The following RBFOX2 variants were observed in gnomAD, a reference collection of about 807,000 sequenced individuals.
RBFOX2 encodes RNA binding fox-1 homolog 2, also known as RNA binding protein fox-1 homolog 2.
RBFOX2 carries 10 observed loss-of-function variants against 49.1 expected under a neutral mutation model. The observed-to-expected ratio is 0.20, with a 90% CI of 0.13 to 0.35. The LOEUF (loss-of-function observed/expected upper bound fraction) is 0.35, where lower values mean the gene tolerates loss of function less well. Ranked by LOEUF, RBFOX2 falls within the 10% of genes least tolerant of loss-of-function variation. RBFOX2 has a pLI of 1.00. For synonymous variants in RBFOX2, 183 were observed against 187.4 expected (o/e 0.98, Z 0.19); for missense variants, 323 against 486.9 (o/e 0.66, Z 3.17).
chr22:36,021,383 A>G (rs1390535557), intron 1 of RBFOX2, among the ~76,000 whole-genome samples: 1 of 152,074 alleles, frequency 6.6e-6, no homozygotes, highest in Non-Finnish European at 1.5e-5. Context: ...GTACCCTAGA[A>G]CTTGAAGTAT....
At chr22:35,834,809 T>A (rs2148732213) in intron 1 of RBFOX2, among the ~76,000 whole-genome samples, 1 of 152,254 alleles carries the variant, frequency 6.6e-6, no homozygotes, top group South Asian at 2.1e-4. Flanking sequence ...AGGTTCCTGA[T>A]CATGCAGGGT....
intron 1 of RBFOX2, among the ~76,000 whole-genome samples, chr22:35,885,843 A>AC (rs2046490178): frequency 1.2e-5 from 1 of 83,146 alleles, no homozygotes; most frequent in African/African-American, 5.3e-5. Flanking sequence ...CCCAAACCTA[A>AC]TTTTTTTTTT....
chr22:36,009,571 T>A (rs970007299), intron 1 of RBFOX2, among the ~76,000 whole-genome samples: 1 of 152,080 alleles, frequency 6.6e-6, no homozygotes, highest in Non-Finnish European at 1.5e-5. Context: ...TGTTTTTTTG[T>A]AAAGGCGGGG....
intron 1 of RBFOX2, among the ~76,000 whole-genome samples, chr22:35,971,059 G>A (rs978659356): frequency 1.3e-5 from 2 of 152,156 alleles, no homozygotes; most frequent in African/African-American, 2.4e-5. Context: ...CATAGTGCCT[G>A]CAGCTGAGTG....
At chr22:35,963,818 T>A (rs945558968), upstream of RBFOX2, among the ~76,000 whole-genome samples, 10 of 152,186 alleles carry the variant, frequency 6.6e-5, no homozygotes, top group Non-Finnish European at 1.5e-4. Context: ...CCATCTCAGC[T>A]CACTGCAACC....
exon 8 of RBFOX2, chr22:35,761,288 C>G (rs1938738120): frequency 3.1e-6 from 5 of 1,613,984 alleles, no homozygotes; most frequent in Admixed American, 1.7e-5. Flanking sequence ...TGCTTGAAAG[C>G]TGGATGCTGA....
chr22:36,028,715 C>T (rs1413799258), exon 1 of RBFOX2, among the ~76,000 whole-genome samples: 1 of 151,326 alleles, frequency 6.6e-6, no homozygotes, highest in African/African-American at 2.4e-5. Flanking sequence ...GAAACCCGGC[C>T]CGGCCCGCCG....
chr22:35,770,427 C>A (rs1171953024), intron 4 of RBFOX2, among the ~76,000 whole-genome samples: 1 of 152,120 alleles, frequency 6.6e-6, no homozygotes, highest in Non-Finnish European at 1.5e-5. Flanking sequence ...TACACACCCA[C>A]ATACAAATAT....
intron 1 of RBFOX2, among the ~76,000 whole-genome samples, chr22:35,817,390 T>A (rs1193225018): frequency 6.6e-6 from 1 of 151,886 alleles, no homozygotes; most frequent in Non-Finnish European, 1.5e-5. Context: ...AGCACGAGAA[T>A]CACTTGAACA....
chr22:35,838,264 C>CT (rs527350781), intron 1 of RBFOX2, among the ~76,000 whole-genome samples: 14,248 of 142,560 alleles, frequency 0.1, 729 homozygotes, highest in African/African-American at 0.15. Flanking sequence ...TATTTCTTTT[C>CT]TTTTTTTTTT....
intron 2 of RBFOX2, among the ~76,000 whole-genome samples, chr22:35,795,300 C>T (rs183482227): frequency 7.9e-5 from 12 of 152,174 alleles, no homozygotes; most frequent in Admixed American, 7.8e-4. Flanking sequence ...TGAATAAATT[C>T]CTCCGTAGTC....
intron 9 of RBFOX2, among the ~76,000 whole-genome samples, 191 bp from the exon 11 acceptor site, chr22:35,756,335 G>C (rs1486474632): frequency 1.3e-5 from 2 of 152,144 alleles, no homozygotes; most frequent in Non-Finnish European, 2.9e-5. Flanking sequence ...CACAGCTCCA[G>C]GACATGCGAG....
exon 1 of RBFOX2, among the ~76,000 whole-genome samples, chr22:36,028,639 G>A (rs2059544409): frequency 6.7e-6 from 1 of 150,092 alleles, no homozygotes; most frequent in Non-Finnish European, 1.5e-5. Flanking sequence ...CCGCCCGCCG[G>A]GTTGTCGGCG....
At chr22:35,921,102 G>T (rs987843459) in intron 1 of RBFOX2, among the ~76,000 whole-genome samples, 111 of 152,126 alleles carry the variant, frequency 7.3e-4, no homozygotes, top group African/African-American at 2.5e-3. Context: ...CTATAGTATG[G>T]CTCAGGAGTC....
chr22:35,882,634 A>C (rs1274063257), intron 1 of RBFOX2, among the ~76,000 whole-genome samples: 1 of 152,216 alleles, frequency 6.6e-6, no homozygotes, highest in Non-Finnish European at 1.5e-5. Flanking sequence ...TCCATGTCCT[A>C]AACAGACTAG....
chr22:35,898,604 T>C (rs1013710366), intron 1 of RBFOX2, among the ~76,000 whole-genome samples: 2 of 151,560 alleles, frequency 1.3e-5, no homozygotes, highest in Non-Finnish European at 2.9e-5. Context: ...TTTTTTGTAT[T>C]TTTGGTAGAA....
chr22:35,974,207 A>G (rs1025185844), intron 1 of RBFOX2, among the ~76,000 whole-genome samples: 1 of 152,250 alleles, frequency 6.6e-6, no homozygotes, highest in Non-Finnish European at 1.5e-5. Flanking sequence ...TGGCCCTGCC[A>G]AAGAATTGCC....
rs775943388 is a variant in RBFOX2 at position 35,809,933 on chromosome 22, AGGT to A, written c.96_98del (p.Pro34del). On this transcript the variant is annotated inframe_deletion, in exon 2 of 12. Coordinates refer to ENST00000405409, the Ensembl canonical transcript of RBFOX2. ...ACTCTGTGGGAATTCCATTCTGCGG[AGGT>A]GGTGGAAATGGGATGGTAGTAAAAG... The A allele has an allele frequency of 2.5e-6, 4 of 1,613,886 alleles. No individual in the cohort carries two copies. The African/African-American group carries it at 5.3e-5, about 22-fold the overall frequency.
chr22:35,967,007 T>A (rs2056601727), intron 1 of RBFOX2, among the ~76,000 whole-genome samples: 2 of 151,336 alleles, frequency 1.3e-5, no homozygotes, highest in African/African-American at 4.9e-5. Flanking sequence ...ATTGTAGAGA[T>A]GAGGTCTTAC....
Sources: allele counts gnomAD v4.1 joint callset (sites outside exome capture counted in the v4.1 genomes callset), GRCh38; gene constraint gnomAD v4.1.1; transcripts MANE v1.5; gene names NCBI Gene and HGNC (gene_info 2026-07-23, HGNC 2026-07-21).